Variants in ASRGL1 observed in about 807,000 individuals in gnomAD.
ASRGL1 encodes asparaginase and isoaspartyl peptidase 1, also known as isoaspartyl peptidase/L-asparaginase.
Under a neutral mutation model 22.4 loss-of-function variants are expected in ASRGL1, and 16 were observed. The ratio of observed to expected loss-of-function variants is 0.71; its 90% CI spans 0.48 to 1.08. The LOEUF (loss-of-function observed/expected upper bound fraction) is 1.08. Among genes scored for constraint, ASRGL1 ranks in the 50% least tolerant of loss-of-function variants. The pLI is 0.00. For missense variants in ASRGL1, 412 were observed against 410.1 expected (o/e 1.00, Z -0.04); for synonymous variants, 165 against 159.3 (o/e 1.04, Z -0.27).
chr11:62,361,480 A>G (rs1946430896), intron 4 of ASRGL1, among the ~76,000 whole-genome samples: 1 of 104,586 alleles, frequency 9.6e-6, no homozygotes, highest in African/African-American at 3.4e-5. Context: ...AAACCTGGCC[A>G]ATTTTTTTTT....
chr11:62,368,736 T>C (rs1590736939), intron 4 of ASRGL1, among the ~76,000 whole-genome samples: 1 of 151,528 alleles, frequency 6.6e-6, no homozygotes, highest in African/African-American at 2.4e-5. Context: ...GGGGAGAGGG[T>C]CAGCAGGAAA....
At chr11:62,341,786 A>G (rs1945869235) in intron 2 of ASRGL1, among the ~76,000 whole-genome samples, 1 of 152,156 alleles carries the variant, frequency 6.6e-6, no homozygotes, top group African/African-American at 2.4e-5. Context: ...CACCACAATC[A>G]AGATATAAAC....
chr11:62,398,174 G>A (rs909821557), downstream of ASRGL1, among the ~76,000 whole-genome samples: 3 of 152,084 alleles, frequency 2.0e-5, no homozygotes, highest in East Asian at 3.9e-4. Context: ...TATGGGTTGT[G>A]CCAAAGCACA....
intron 4 of ASRGL1, among the ~76,000 whole-genome samples, chr11:62,386,571 G>T (rs1181062209): frequency 2.1e-5 from 2 of 93,338 alleles, no homozygotes; most frequent in African/African-American, 5.8e-5. Context: ...TCCACTGAGG[G>T]TCTTGGAACG....
At chr11:62,367,550 A>G (rs1946643514) in intron 4 of ASRGL1, among the ~76,000 whole-genome samples, 1 of 151,998 alleles carries the variant, frequency 6.6e-6, no homozygotes, top group South Asian at 2.1e-4. Context: ...AGGCTGAGGC[A>G]GGAGAATCAC....
intron 2 of ASRGL1, among the ~76,000 whole-genome samples, chr11:62,346,369 C>T (rs1946021119): frequency 6.6e-6 from 1 of 152,166 alleles, no homozygotes; most frequent in Non-Finnish European, 1.5e-5. Context: ...CTCTTCAGCA[C>T]ACCACCCTCC....
chr11:62,362,106 A>G (rs1287555520), intron 4 of ASRGL1, among the ~76,000 whole-genome samples: 2 of 152,112 alleles, frequency 1.3e-5, no homozygotes, highest in African/African-American at 4.8e-5. Flanking sequence ...TATACAGCCC[A>G]TCATTTGAAA....
chr11:62,381,727 T>C (rs1468389080), intron 4 of ASRGL1: 1 of 152,158 alleles, frequency 6.6e-6, no homozygotes, highest in African/African-American at 2.4e-5. Flanking sequence ...CTCCCCCCTT[T>C]TTAAAAGAAT....
chr11:62,362,891 ATTTTTTTTTTTTTTTTTTTTTT>A (rs60507577), intron 4 of ASRGL1, among the ~76,000 whole-genome samples: 16 of 50,366 alleles, frequency 3.2e-4, no homozygotes, highest in East Asian at 1.3e-3. Context: ...AAAGGATTTA[ATTTTTTTTTTTTTTTTTTTTTT>A]TTTTTTTTTT....
At chr11:62,376,853 A>T in intron 4 of ASRGL1, among the ~76,000 whole-genome samples, 1 of 152,348 alleles carries the variant, frequency 6.6e-6, no homozygotes, top group African/African-American at 2.4e-5. Flanking sequence ...GCAAAACAAG[A>T]CAATAAATGT....
At chr11:62,375,475 T>C (rs1435611889) in intron 4 of ASRGL1, among the ~76,000 whole-genome samples, 1 of 87,120 alleles carries the variant, frequency 1.1e-5, no homozygotes, top group Non-Finnish European at 2.4e-5. Context: ...TATATATATA[T>C]ATATATTTCT....
At chr11:62,394,267 T>C (rs886665069), downstream of ASRGL1, among the ~76,000 whole-genome samples, 4 of 142,670 alleles carry the variant, frequency 2.8e-5, no homozygotes, top group Non-Finnish European at 4.5e-5. Context: ...TTATATACTA[T>C]ATATTATATA....
intron 4 of ASRGL1, among the ~76,000 whole-genome samples, chr11:62,363,468 G>T (rs1946534115): frequency 6.6e-6 from 1 of 152,040 alleles, no homozygotes; most frequent in African/African-American, 2.4e-5. Context: ...GAACAAAATT[G>T]AATAACATTC....
downstream of ASRGL1, among the ~76,000 whole-genome samples, chr11:62,397,176 C>T (rs1460820889): frequency 6.6e-6 from 1 of 152,136 alleles, no homozygotes; most frequent in Admixed American, 6.5e-5. Context: ...ACCACAGGCA[C>T]ACGCCACCAC....
rs1470139331 is a variant in ASRGL1 at position 62,344,816 on chromosome 11, TCA to T, written c.190+6650_190+6651del. Among the ~76,000 whole-genome samples, 5 of 152,296 alleles carry T rather than the reference TCA, an allele frequency of 3.3e-5. No individual in the cohort carries two copies. In the East Asian group the frequency reaches 7.7e-4, roughly 23 times the overall value. The stretch of plus-strand genomic sequence containing the variant: ...CACTGTTGTGCTATCAAATACTAAC[TCA>T]TATTCATTCTATTTTTTGTACCCAT... On this transcript the variant is annotated intron_variant, in intron 2 of 6. Transcript: ENST00000415229.
chr11:62,389,236 G>A lies in ASRGL1; in HGVS notation c.595G>A (p.Asp199Asn). Reference sequence around the variant, plus strand: ...TAATAAAATGGTCGGCCGCGTTGGGGACTCACCGTGTCTAGGTAGGACCAA... The same window carrying A: ...TAATAAAATGGTCGGCCGCGTTGGGAACTCACCGTGTCTAGGTAGGACCAA... ...IVNKMVGRVGDSPCLGAGGYA... is the reference protein window; with the variant it reads ...IVNKMVGRVGNSPCLGAGGYA... The change falls in exon 5 of 7, where the codon GAC becomes AAC. Residue 199 changes from aspartate to asparagine, a missense_variant. Transcript: ENST00000415229. 1.2e-6 allele frequency: 2 copies of A among 1,613,984 alleles called. No individual in the cohort carries two copies. Among genetic ancestry groups the A allele is most frequent in the Non-Finnish European group, 1.7e-6 (2 of 1,179,902 alleles).
chr11:62,360,019 C>CTTT (rs112728071), intron 4 of ASRGL1, among the ~76,000 whole-genome samples: 11 of 132,242 alleles, frequency 8.3e-5, no homozygotes, highest in African/African-American at 3.0e-4. Context: ...TTTTGCTTTT[C>CTTT]TTTTTTTTTT....
chr11:62,372,196 C>T (rs1331751616), intron 4 of ASRGL1: 3 of 1,096,998 alleles, frequency 2.7e-6, no homozygotes, highest in Non-Finnish European at 2.8e-6. Flanking sequence ...CCCCCAGACT[C>T]ACCGAGGGTC....
At chr11:62,342,840 G>A (rs1054701654) in intron 2 of ASRGL1, among the ~76,000 whole-genome samples, 1 of 152,004 alleles carries the variant, frequency 6.6e-6, no homozygotes, top group African/African-American at 2.4e-5. Flanking sequence ...ACATTAAAGT[G>A]TTACCCGTGT....
Sources: gnomAD v4.1 joint callset for allele counts (sites outside exome capture counted in the v4.1 genomes callset) on GRCh38, gnomAD v4.1.1 for gene constraint, MANE v1.5 for transcripts, NCBI Gene and HGNC (gene_info 2026-07-23, HGNC 2026-07-21) for gene names.